Variants in PPFIA2 observed in about 807,000 individuals in gnomAD.
PPFIA2 encodes liprin-alpha-2.
PPFIA2 carries 46 observed loss-of-function variants against 175.5 expected under a neutral mutation model. That is an observed-to-expected ratio of 0.26 (90% CI 0.21 to 0.34). PPFIA2 has a LOEUF of 0.34. Among genes scored for constraint, PPFIA2 ranks in the 10% least tolerant of loss-of-function variants. PPFIA2 has a pLI of 1.00. For missense variants in PPFIA2, 1,179 were observed against 1,506.1 expected, an observed-to-expected ratio of 0.78 and a Z score of 3.60; for synonymous variants, 568 against 511.4, an observed-to-expected ratio of 1.11 and a Z score of -1.49.
intron 4 of PPFIA2, among the ~76,000 whole-genome samples, chr12:81,516,273 T>C (rs2062427648): frequency 6.6e-6 from 1 of 152,140 alleles, no homozygotes; most frequent in African/African-American, 2.4e-5. Context: ...AAAGAGTTCT[T>C]GTTGAGATTA....
At chr12:81,618,412 C>T (rs2061633542) in intron 4 of PPFIA2, among the ~76,000 whole-genome samples, 1 of 151,310 alleles carries the variant, frequency 6.6e-6, no homozygotes, top group African/African-American at 2.4e-5. Context: ...TTAGCTTTAG[C>T]TAATGATTAT....
In PPFIA2 at chr12:81,316,510, A is replaced by G. The variant is rs144872495; in HGVS notation, c.2642+9267T>C. Among the ~76,000 whole-genome samples the G allele has an allele frequency of 2.6e-3, 395 of 151,738 alleles. 6 individuals are homozygous for G. The highest frequency in any genetic ancestry group is 9.0e-3 in the African/African-American group (373 of 41,528). On this transcript the variant is annotated intron_variant, in intron 22 of 32. Coordinates refer to ENST00000549396, the MANE Select transcript of PPFIA2 (RefSeq NM_003625.5). ...TCAAGCACACATTTAAATTCCTTAC[A>G]TGGTTTATTTATTAGGGAACATTCA...
intron 4 of PPFIA2, among the ~76,000 whole-genome samples, chr12:81,565,492 TCTAC>T (rs756324999): frequency 2.0e-5 from 3 of 152,188 alleles, no homozygotes; most frequent in Non-Finnish European, 4.4e-5. Context: ...TGTCTATCTA[TCTAC>T]CTATCTATCT....
chr12:81,342,207 T>A (rs991031794), intron 19 of PPFIA2, among the ~76,000 whole-genome samples: 2 of 152,034 alleles, frequency 1.3e-5, no homozygotes, highest in Non-Finnish European at 1.5e-5. Context: ...TAACTTAAAA[T>A]TTTTTCCAAT....
intron 3 of PPFIA2, among the ~76,000 whole-genome samples, chr12:81,706,195 T>A (rs1922546): frequency 6.6e-6 from 1 of 151,966 alleles, no homozygotes; most frequent in Non-Finnish European, 1.5e-5. Flanking sequence ...ATACGGAGTT[T>A]GCAAAATTCT....
At chr12:81,703,609 TATGG>T (rs1369508688) in intron 3 of PPFIA2, among the ~76,000 whole-genome samples, 1 of 152,144 alleles carries the variant, frequency 6.6e-6, no homozygotes, top group African/African-American at 2.4e-5. Flanking sequence ...TCTCTGCTAG[TATGG>T]ATCATGCCCT....
intron 21 of PPFIA2, among the ~76,000 whole-genome samples, chr12:81,338,811 C>A (rs563656760): frequency 6.6e-6 from 1 of 152,102 alleles, no homozygotes; most frequent in African/African-American, 2.4e-5. Flanking sequence ...ACATTGGCAC[C>A]ACGATGAATA....
chr12:81,737,664 G>A (rs558745411), intron 3 of PPFIA2, among the ~76,000 whole-genome samples: 1 of 150,968 alleles, frequency 6.6e-6, no homozygotes, highest in South Asian at 2.1e-4. Context: ...TGTTTCAACT[G>A]TTAAACAAAA....
At chr12:81,597,904 A>G in intron 4 of PPFIA2, 1 of 1,509,326 alleles carries the variant, frequency 6.6e-7, no homozygotes, top group Non-Finnish European at 8.9e-7. Context: ...TAAAAGTTTG[A>G]CAATACATTA....
At chr12:81,746,234 T>G (rs1428845648) in intron 3 of PPFIA2, among the ~76,000 whole-genome samples, 1 of 144,484 alleles carries the variant, frequency 6.9e-6, no homozygotes, top group African/African-American at 2.4e-5. Flanking sequence ...ATTGAACACT[T>G]AAGAAGTAAC....
At chr12:81,677,175 T>C (rs2072692269) in intron 3 of PPFIA2, among the ~76,000 whole-genome samples, 1 of 151,930 alleles carries the variant, frequency 6.6e-6, no homozygotes, top group Admixed American at 6.6e-5. Context: ...TGAAAAATAT[T>C]AAACCCATGG....
intron 14 of PPFIA2, among the ~76,000 whole-genome samples, chr12:81,366,029 C>A (rs1165500949): frequency 8.6e-6 from 1 of 116,918 alleles, no homozygotes; most frequent in African/African-American, 3.2e-5. Flanking sequence ...TTCCTTCCTT[C>A]CTTCCCTCCC....
chr12:81,436,216 G>A (rs2048963236), intron 7 of PPFIA2, among the ~76,000 whole-genome samples: 1 of 140,400 alleles, frequency 7.1e-6, no homozygotes, highest in Admixed American at 7.6e-5. Context: ...AAGAGGTGGA[G>A]GGTGCAGTAA....
chr12:81,296,571 A>G (rs557869748), intron 23 of PPFIA2: 1 of 151,902 alleles, frequency 6.6e-6, no homozygotes, highest in South Asian at 2.1e-4. Context: ...AGCAGCTTAC[A>G]TATTTGTTTT....
chr12:81,381,677 T>C (rs542289517), intron 9 of PPFIA2, among the ~76,000 whole-genome samples: 24 of 152,202 alleles, frequency 1.6e-4, no homozygotes, highest in African/African-American at 5.5e-4. Flanking sequence ...GTTTGAATTG[T>C]GGGGAGTAGT....
chr12:81,283,377 A>G (rs2042529353), intron 25 of PPFIA2, among the ~76,000 whole-genome samples: 1 of 152,066 alleles, frequency 6.6e-6, no homozygotes, highest in Non-Finnish European at 1.5e-5. Context: ...GATGACAAAT[A>G]TATATATGTA....
chr12:81,542,600 A>G (rs2066390388), intron 4 of PPFIA2, among the ~76,000 whole-genome samples: 1 of 152,130 alleles, frequency 6.6e-6, no homozygotes. Flanking sequence ...ATAACCTTAA[A>G]GTTTCCCTCA....
chr12:81,726,793 C>T (rs1348756646), intron 3 of PPFIA2, among the ~76,000 whole-genome samples: 1 of 151,256 alleles, frequency 6.6e-6, no homozygotes, highest in Non-Finnish European at 1.5e-5. Flanking sequence ...AGTGAGCTTT[C>T]CACACCATTG....
At chr12:81,745,345 A>T (rs1157414647) in intron 3 of PPFIA2, among the ~76,000 whole-genome samples, 1 of 151,898 alleles carries the variant, frequency 6.6e-6, no homozygotes, top group Non-Finnish European at 1.5e-5. Context: ...TTCTCACTTC[A>T]CCCACTCACA....
Sources: gnomAD v4.1 joint callset for allele counts (sites outside exome capture counted in the v4.1 genomes callset) on GRCh38, gnomAD v4.1.1 for gene constraint, MANE v1.5 for transcripts, NCBI Gene and HGNC (gene_info 2026-07-23, HGNC 2026-07-21) for gene names.